LYSMD3: variants seen among roughly 807,000 people sequenced by gnomAD.
LYSMD3 encodes the protein LysM domain containing 3, also known as lysM and putative peptidoglycan-binding domain-containing protein 3.
LYSMD3 carries 13 observed loss-of-function variants against 26.1 expected under a neutral mutation model. The observed-to-expected ratio is 0.50, with a 90% confidence interval of 0.32 to 0.79. The LOEUF is 0.79. Ranked by LOEUF, LYSMD3 falls within the 30% of genes least tolerant of loss-of-function variation. The probability of loss-of-function intolerance (pLI) is 0.03; values close to 1 mark genes in which losing one functional copy is unlikely to be tolerated. For synonymous variants in LYSMD3, 109 were observed against 119.4 expected (o/e 0.91, Z 0.57); for missense variants, 331 against 362.5 (o/e 0.91, Z 0.71).
intron 2 of LYSMD3, among the ~76,000 whole-genome samples, chr5:90,523,547 T>C (rs1010469328): frequency 4.6e-5 from 7 of 151,950 alleles, no homozygotes; most frequent in African/African-American, 1.7e-4. Context: ...GATGAAAATA[T>C]TAATGAGAAA....
rs1753012839 is a variant in LYSMD3, at chr5:90,518,844, G to A, written c.896C>T (p.Ser299Leu). ...DHKLYSQDSQ[S>L]PAAQQET ...CTATGTTTCCTGTTGAGCAGCAGGT[G>A]ACTGAGAATCTTGACTATACAGTTT... Residue 299 changes from serine (S) to leucine (L), a missense_variant, in exon 3 of 3, where the codon TCA becomes TTA. Ser to Leu is a moderately radical substitution (Grantham distance 145). This residue lies in a region of LYSMD3 where 61 missense variants were observed against 66.8 expected (regional missense o/e 0.91). Coordinates refer to ENST00000315948, the MANE Select transcript of LYSMD3 (RefSeq NM_198273.2). 4 of 1,613,244 alleles carry A rather than the reference G, an allele frequency of 2.5e-6. No homozygotes were observed. Among genetic ancestry groups the A allele is most frequent in the Non-Finnish European group, 2.5e-6 (3 of 1,179,632 alleles).
intron 1 of LYSMD3, among the ~76,000 whole-genome samples, chr5:90,526,048 T>C (rs1022149285): frequency 6.6e-6 from 1 of 152,332 alleles, no homozygotes; most frequent in South Asian, 2.1e-4. Flanking sequence ...ATATAACTTA[T>C]AGCTCTGATG....
chr5:90,529,461 C>T lies in LYSMD3; in HGVS notation c.-25G>A, dbSNP rs1753308417. ...CACCATCTTTACCTGTCCCCGTTAG[C>T]AGGGAGCACTCTGCGAGAAGATGGC... On this transcript the variant is annotated 5_prime_UTR_variant, in exon 1 of 3. Transcript: ENST00000315948. 1 of 456,554 alleles carries T rather than the reference C, an allele frequency of 2.2e-6. No individual in the cohort carries two copies. Among genetic ancestry groups the T allele is most frequent in the African/African-American group, 2.0e-5 (1 of 50,078 alleles). 28.3% of individuals were successfully genotyped at this position (456,554 alleles called of 1,614,324 possible).
chr5:90,522,691 C>T (rs1011583063), intron 2 of LYSMD3, among the ~76,000 whole-genome samples: 2 of 152,184 alleles, frequency 1.3e-5, no homozygotes, highest in African/African-American at 4.8e-5. Flanking sequence ...TTCTGTATCA[C>T]TCCTGTTAAA....
Position 90,519,461 on chromosome 5 carries a change from G to A in LYSMD3, c.279C>T (p.Asn93=), listed in dbSNP as rs1314251247. 6.2e-7 allele frequency: 1 copy of A among 1,610,824 alleles called. No individual in the cohort carries two copies. Among genetic ancestry groups the A allele is most frequent in the Admixed American group, 1.7e-5 (1 of 59,722 alleles). The change falls in exon 3 of 3, where the codon AAC becomes AAT. Residue 93 remains asparagine, a synonymous_variant. Coordinates refer to ENST00000315948, the MANE Select transcript of LYSMD3 (RefSeq NM_198273.2). ...CCTVADIKRV[N]NLISDQDFFA... The stretch of plus-strand genomic sequence containing the variant: ...AAAAGTCTTGATCACTGATGAGATT[G>A]TTAACTCTCTTGATATCTGCTACCT...
At chr5:90,524,369 A>G (rs1553545) in intron 2 of LYSMD3, among the ~76,000 whole-genome samples, 86,199 of 152,006 alleles carry the variant, frequency 0.57, 24,731 homozygotes, top group African/African-American at 0.64. Flanking sequence ...AAAAAAGGTA[A>G]AGCATTCCTA....
chr5:90,522,560 C>A (rs1320901402), intron 2 of LYSMD3, among the ~76,000 whole-genome samples: 1 of 152,152 alleles, frequency 6.6e-6, no homozygotes, highest in Non-Finnish European at 1.5e-5. Context: ...CTTTATTATT[C>A]CAGTAATCTC....
intron 1 of LYSMD3, among the ~76,000 whole-genome samples, chr5:90,527,983 C>T (rs983421957): frequency 5.3e-5 from 8 of 152,194 alleles, no homozygotes; most frequent in Non-Finnish European, 8.8e-5. Flanking sequence ...TGAAGTGCTA[C>T]ATTATTACCA....
rs745921542 is a variant in LYSMD3 at position 90,517,587 on chromosome 5, C to T, written c.*1232G>A. 6.6e-6 allele frequency: 1 copy of T among 151,990 alleles called. No homozygotes were observed. Among genetic ancestry groups the T allele is most frequent in the Admixed American group, 6.6e-5 (1 of 15,256 alleles). The allele number at this position is 151,990 out of a possible 1,614,324, so 9.4% of individuals were successfully genotyped here. The stretch of plus-strand genomic sequence containing the variant: ...ATCTTAAAAAGAGGCACTACCACCC[C>T]CTTTCAAGCAATCTATACACCTTTG... On this transcript the variant is annotated 3_prime_UTR_variant, in exon 3 of 3. Transcript: ENST00000315948.
chr5:90,521,854 A>C (rs1448277249), intron 2 of LYSMD3, among the ~76,000 whole-genome samples: 1 of 152,058 alleles, frequency 6.6e-6, no homozygotes, highest in Non-Finnish European at 1.5e-5. Context: ...ATTTTTAATA[A>C]TTCTTAAGAT....
intron 2 of LYSMD3, among the ~76,000 whole-genome samples, chr5:90,522,321 CA>C (rs1301098527): frequency 6.6e-6 from 1 of 152,220 alleles, no homozygotes; most frequent in Non-Finnish European, 1.5e-5. Context: ...CCTGCAGAAC[CA>C]TGAGCCAATT....
intron 2 of LYSMD3, chr5:90,520,560 A>C: frequency 2.2e-6 from 1 of 452,872 alleles, no homozygotes; most frequent in Non-Finnish European, 4.4e-6. Context: ...AGAGTTGTAG[A>C]TATATGTCTG....
At chr5:90,525,590 C>T (rs1049710227) in intron 1 of LYSMD3, among the ~76,000 whole-genome samples, 1 of 152,076 alleles carries the variant, frequency 6.6e-6, no homozygotes, top group Non-Finnish European at 1.5e-5. Flanking sequence ...GCTGGGATTA[C>T]AGGCGCCCAC....
Position 90,525,054 on chromosome 5 carries a change from G to C in LYSMD3, c.236C>G (p.Ala79Gly). The change falls in exon 2 of 3, where the codon GCC becomes GGC. Residue 79 changes from alanine (A) to glycine (G), a missense_variant. Ala to Gly is a moderately conservative substitution (Grantham distance 60). Transcript: ENST00000315948. ...IQEGDTLNAI[A>G]LQYCCTVADI... Reference sequence around the variant, plus strand: ...ACTTACCGTACAACAGTACTGAAGGGCTATTGCATTTAATGTATCTCCTTC... The same window carrying C: ...ACTTACCGTACAACAGTACTGAAGGCCTATTGCATTTAATGTATCTCCTTC... 1 of 1,607,834 alleles carries C rather than the reference G, an allele frequency of 6.2e-7. No homozygotes were observed. Among genetic ancestry groups the C allele is most frequent in the Non-Finnish European group, 8.5e-7 (1 of 1,175,748 alleles).
intron 2 of LYSMD3, among the ~76,000 whole-genome samples, chr5:90,523,812 A>G (rs535117142): frequency 6.6e-6 from 1 of 152,324 alleles, no homozygotes; most frequent in Non-Finnish European, 1.5e-5. Flanking sequence ...TGAGGTACAT[A>G]GTACATATAT....
chr5:90,525,240 G>A lies in LYSMD3; in HGVS notation c.50C>T (p.Ser17Leu). The change falls in exon 2 of 3, where the codon TCA (serine) becomes TTA (leucine). Residue 17 changes from serine (S) to leucine (L), a missense_variant. Physicochemically the swap from Ser to Leu is moderately radical, Grantham distance 145 (BLOSUM62 -2). Transcript: ENST00000315948. Reference protein sequence around the residue: ...NRSFPLPGVQSSGQVHAFGNC... With the variant: ...NRSFPLPGVQLSGQVHAFGNC... ...TCCAAATGCATGTACTTGACCACTTGACTGAACTCCTGGAAGAGGAAAACT... is the reference window on the plus strand; with the variant it reads ...TCCAAATGCATGTACTTGACCACTTAACTGAACTCCTGGAAGAGGAAAACT... 6.2e-7 allele frequency: 1 copy of A among 1,613,538 alleles called. No individual in the cohort carries two copies.
rs543088771 is a variant in LYSMD3 at position 90,529,240 on chromosome 5, T to C, written c.-12+208A>G. The C allele has an allele frequency of 1.9e-4, 67 of 359,162 alleles. No individual in the cohort carries two copies. The East Asian group carries it at 4.3e-3, about 23-fold the overall frequency. The allele number at this position is 359,162 out of a possible 1,614,324, so 22.2% of individuals were successfully genotyped here. Reference sequence around the variant, plus strand: ...TAGGCGTCCTTCCTCTGAGCCTCAGTTTCCCCGACAGTGTGACAAGAGGGC... The same window carrying C: ...TAGGCGTCCTTCCTCTGAGCCTCAGCTTCCCCGACAGTGTGACAAGAGGGC... On this transcript the variant is annotated intron_variant, in intron 1 of 2. Coordinates refer to ENST00000315948, the MANE Select transcript of LYSMD3 (RefSeq NM_198273.2).
At chr5:90,527,455 G>C (rs1394207959) in intron 1 of LYSMD3, among the ~76,000 whole-genome samples, 2 of 141,558 alleles carry the variant, frequency 1.4e-5, no homozygotes, top group Non-Finnish European at 3.0e-5. Flanking sequence ...GTGTGAAAAA[G>C]TGTAAGAAAA....
intron 2 of LYSMD3, 113 bp from the exon 3 acceptor site, chr5:90,519,597 G>T: frequency 2.0e-6 from 2 of 1,010,288 alleles, no homozygotes; most frequent in Non-Finnish European, 2.8e-6. Context: ...ATTATTAGTA[G>T]TATTAAGTTG....
Sources: allele counts gnomAD v4.1 joint callset (sites outside exome capture counted in the v4.1 genomes callset), GRCh38; gene constraint gnomAD v4.1.1; regional missense constraint gnomAD v4.1.1; transcripts MANE v1.5; gene names NCBI Gene and HGNC (gene_info 2026-07-23, HGNC 2026-07-21).